RCAN2: variants seen among roughly 807,000 people sequenced by gnomAD.
RCAN2 encodes the protein regulator of calcineurin 2.
RCAN2 carries 9 observed loss-of-function variants against 23.6 expected under a neutral mutation model. The ratio of observed to expected loss-of-function variants is 0.38; its 90% CI spans 0.23 to 0.67. The LOEUF is 0.67. Among genes scored for constraint, RCAN2 ranks in the 30% least tolerant of loss-of-function variants. The pLI is 0.51. For synonymous variants in RCAN2, 109 were observed against 115.7 expected (o/e 0.94, Z 0.37); for missense variants, 273 against 302.3 (o/e 0.90, Z 0.72).
chr6:46,408,192 C>T (rs1234534796), intron 2 of RCAN2, among the ~76,000 whole-genome samples: 2 of 152,182 alleles, frequency 1.3e-5, no homozygotes, highest in African/African-American at 2.4e-5. Flanking sequence ...CGACAATGCT[C>T]CTATTACTTC....
chr6:46,341,794 T>TC (rs1374749620), intron 2 of RCAN2, among the ~76,000 whole-genome samples: 2 of 120,192 alleles, frequency 1.7e-5, no homozygotes, highest in East Asian at 3.1e-4. Flanking sequence ...CAAGACTCTG[T>TC]CCCAAAAAAA....
chr6:46,252,450 G>A (rs780824871), intron 2 of RCAN2, among the ~76,000 whole-genome samples: 7 of 152,152 alleles, frequency 4.6e-5, no homozygotes, highest in African/African-American at 1.4e-4. Flanking sequence ...CCACAGCAGC[G>A]ATCTCAAGCT....
At chr6:46,456,611 T>C in intron 2 of RCAN2, 141 bp downstream of exon 2, 1 of 634,606 alleles carries the variant, frequency 1.6e-6, no homozygotes, top group Non-Finnish European at 2.8e-6. Context: ...TGGGATTTTC[T>C]TATCCTGGTA....
intron 2 of RCAN2, among the ~76,000 whole-genome samples, chr6:46,416,727 G>T (rs1766725317): frequency 1.3e-5 from 2 of 151,572 alleles, no homozygotes; most frequent in African/African-American, 4.9e-5. Flanking sequence ...TCATCATGTT[G>T]CCCAGGCTGG....
At chr6:46,225,575 T>C (rs1193796598) in intron 4 of RCAN2, among the ~76,000 whole-genome samples, 3 of 152,254 alleles carry the variant, frequency 2.0e-5, no homozygotes, top group Non-Finnish European at 2.9e-5. Flanking sequence ...GCTGCATAAA[T>C]GTCATCTTTT....
chr6:46,406,926 G>A (rs898432430), intron 2 of RCAN2, among the ~76,000 whole-genome samples: 4 of 152,158 alleles, frequency 2.6e-5, no homozygotes, highest in Non-Finnish European at 5.9e-5. Flanking sequence ...ATTATGTGCT[G>A]GGCGATTCAG....
At chr6:46,459,236 A>C (rs1768143747) in intron 1 of RCAN2, among the ~76,000 whole-genome samples, 1 of 152,230 alleles carries the variant, frequency 6.6e-6, no homozygotes, top group Non-Finnish European at 1.5e-5. Context: ...ATCATTCAGC[A>C]GCATACAAAT....
intron 2 of RCAN2, among the ~76,000 whole-genome samples, chr6:46,448,147 G>A (rs983512584): frequency 1.3e-5 from 2 of 151,378 alleles, no homozygotes; most frequent in Non-Finnish European, 3.0e-5. Flanking sequence ...AATGAAAGAG[G>A]AGACAATAGA....
At chr6:46,396,242 A>C (rs1766084669) in intron 2 of RCAN2, among the ~76,000 whole-genome samples, 2 of 152,178 alleles carry the variant, frequency 1.3e-5, no homozygotes, top group Admixed American at 6.5e-5. Flanking sequence ...AAGGTCCATG[A>C]AAGTGATGGG....
intron 2 of RCAN2, among the ~76,000 whole-genome samples, chr6:46,320,407 A>C (rs887673973): frequency 2.0e-5 from 3 of 152,114 alleles, no homozygotes; most frequent in African/African-American, 7.2e-5. Flanking sequence ...CATACAAAAC[A>C]AGTGATTTGA....
At chr6:46,383,595 T>C (rs1345892651) in intron 2 of RCAN2, among the ~76,000 whole-genome samples, 2 of 152,196 alleles carry the variant, frequency 1.3e-5, no homozygotes, top group African/African-American at 4.8e-5. Context: ...TGATTTTCTA[T>C]AAGCTGCATT....
chr6:46,349,395 A>G (rs944384362), intron 2 of RCAN2, among the ~76,000 whole-genome samples: 1 of 152,026 alleles, frequency 6.6e-6, no homozygotes, highest in East Asian at 1.9e-4. Flanking sequence ...AACACACACA[A>G]TGGCCTGTTG....
chr6:46,236,680 A>T (rs1428049960), intron 4 of RCAN2, among the ~76,000 whole-genome samples: 1 of 152,176 alleles, frequency 6.6e-6, no homozygotes, highest in Admixed American at 6.5e-5. Context: ...TCTGGTATGT[A>T]CTCACACGTG....
intron 2 of RCAN2, among the ~76,000 whole-genome samples, chr6:46,313,364 T>A (rs528036814): frequency 6.6e-6 from 1 of 152,338 alleles, no homozygotes; most frequent in Admixed American, 6.5e-5. Context: ...TGAATTCCCA[T>A]GTCTGGAGGC....
At chr6:46,412,765 G>A (rs571988036) in intron 2 of RCAN2, among the ~76,000 whole-genome samples, 62 of 152,286 alleles carry the variant, frequency 4.1e-4, no homozygotes, top group African/African-American at 1.2e-3. Flanking sequence ...TGGAAGAGCA[G>A]GGAGGGAAGC....
intron 2 of RCAN2, among the ~76,000 whole-genome samples, chr6:46,301,532 G>A (rs1762902582): frequency 6.6e-6 from 1 of 152,042 alleles, no homozygotes; most frequent in Non-Finnish European, 1.5e-5. Flanking sequence ...TGTACTAAAG[G>A]CACTGTTCTA....
At chr6:46,472,840 G>A (rs1554788) in intron 1 of RCAN2, among the ~76,000 whole-genome samples, 152,268 of 152,298 alleles carry the variant, frequency 1, 76,119 homozygotes, top group Non-Finnish European at 1. Flanking sequence ...AGTTAAGCCA[G>A]TCAGTCTGGG....
At chr6:46,323,178 A>G (rs1763672637) in intron 2 of RCAN2, among the ~76,000 whole-genome samples, 1 of 152,170 alleles carries the variant, frequency 6.6e-6, no homozygotes, top group Non-Finnish European at 1.5e-5. Context: ...GGTAAAAGTT[A>G]CCTATCACTT....
rs572042848 is a variant in RCAN2, at chr6:46,490,919, G to A, written c.-3+254C>T. Among the ~76,000 whole-genome samples the A allele has an allele frequency of 4.9e-4, 75 of 152,022 alleles. 1 individual carries two copies. In the South Asian group the frequency reaches 9.4e-3, roughly 19 times the overall value. ...CTCCTTTGGACCCGCGCCCCCTAGA[G>A]GGGGGTCGCGGGAGATCTCCGTCCC... On this transcript the variant is annotated intron_variant, in intron 1 of 4. Coordinates refer to ENST00000371374, the MANE Select transcript of RCAN2 (RefSeq NM_001251974.2).
Sources: allele counts gnomAD v4.1 joint callset (sites outside exome capture counted in the v4.1 genomes callset), GRCh38; gene constraint gnomAD v4.1.1; transcripts MANE v1.5; gene names NCBI Gene and HGNC (gene_info 2026-07-23, HGNC 2026-07-21).